The following ANKS1A variants were observed in gnomAD, a reference collection of about 807,000 sequenced individuals.
ANKS1A encodes the protein ankyrin repeat and SAM domain-containing protein 1A.
Under a neutral mutation model 120.3 loss-of-function variants are expected in ANKS1A, and 55 were observed. That is an observed-to-expected ratio of 0.46 (90% CI 0.37 to 0.57). ANKS1A has a LOEUF of 0.57. Ranked by LOEUF, ANKS1A falls within the 20% of genes least tolerant of loss-of-function variation. ANKS1A has a pLI of 0.00. For synonymous variants in ANKS1A, 590 were observed against 604.7 expected (o/e 0.98, Z 0.36); for missense variants, 1,123 against 1,480.3 (o/e 0.76, Z 3.96).
chr6:34,958,345 C>T (rs1322563915), intron 1 of ANKS1A, among the ~76,000 whole-genome samples: 1 of 152,104 alleles, frequency 6.6e-6, no homozygotes, highest in African/African-American at 2.4e-5. Flanking sequence ...TGAATCTATC[C>T]TTTTTTCTCT....
intron 1 of ANKS1A, among the ~76,000 whole-genome samples, chr6:34,922,553 C>T (rs1019001943): frequency 5.9e-5 from 9 of 152,108 alleles, no homozygotes; most frequent in Non-Finnish European, 1.2e-4. Context: ...GAAGACTTTC[C>T]TCCACACAAC....
chr6:34,975,648 C>G (rs921734059), intron 3 of ANKS1A, among the ~76,000 whole-genome samples: 8 of 151,806 alleles, frequency 5.3e-5, no homozygotes, highest in Non-Finnish European at 1.2e-4. Flanking sequence ...GCCTGTATCC[C>G]AAATTCTCAG....
At chr6:35,078,299 G>A (rs1464413228) in intron 13 of ANKS1A, among the ~76,000 whole-genome samples, 1 of 152,206 alleles carries the variant, frequency 6.6e-6, no homozygotes, top group East Asian at 1.9e-4. Context: ...GGCTGGGCCT[G>A]GGCAGGCGGC....
intron 11 of ANKS1A, among the ~76,000 whole-genome samples, chr6:35,021,457 C>A (rs766759621): frequency 7.2e-4 from 110 of 152,224 alleles, no homozygotes; most frequent in Non-Finnish European, 8.1e-4. Flanking sequence ...CCTCCATCTC[C>A]ACCTCGGTGC....
Position 35,000,200 on chromosome 6 carries a change from C to T in ANKS1A, c.1423+5778C>T, listed in dbSNP as rs193139468. Among the ~76,000 whole-genome samples the T allele has an allele frequency of 4.9e-4, 74 of 151,192 alleles. 1 individual carries two copies. In the East Asian group the frequency reaches 0.013, roughly 27 times the overall value. ...ATCAAAAATCCTTAACCCAGTAACC[C>T]GCAGATGGCCCAGATGCATTCAATC... is the stretch of plus-strand genomic sequence containing the variant. On this transcript the variant is annotated intron_variant, in intron 10 of 23. Coordinates refer to ENST00000360359, the MANE Select transcript of ANKS1A (RefSeq NM_015245.3).
intron 1 of ANKS1A, among the ~76,000 whole-genome samples, chr6:34,905,976 C>T (rs1767626627): frequency 6.6e-6 from 1 of 152,142 alleles, no homozygotes; most frequent in African/African-American, 2.4e-5. Flanking sequence ...ACGCAGGAAA[C>T]ATTGTCTCCA....
At chr6:35,041,470 T>G (rs1352326452) in intron 11 of ANKS1A, among the ~76,000 whole-genome samples, 1 of 152,196 alleles carries the variant, frequency 6.6e-6, no homozygotes, top group Non-Finnish European at 1.5e-5. Context: ...TCATGCCACT[T>G]TTCTTGATGT....
rs533852757 is a variant in ANKS1A at position 35,081,745 on chromosome 6, C to T, written c.2709+587C>T. On this transcript the variant is annotated intron_variant, in intron 17 of 23. Coordinates refer to ENST00000360359, the MANE Select transcript of ANKS1A (RefSeq NM_015245.3). ...GCTCCAGCCCTGGCGGAGGTGGGCCCGTCTCACACTCCTGGCTCACCTTCT... is the reference window on the plus strand; with the variant it reads ...GCTCCAGCCCTGGCGGAGGTGGGCCTGTCTCACACTCCTGGCTCACCTTCT... Among the ~76,000 whole-genome samples the T allele has an allele frequency of 4.6e-5, 7 of 152,358 alleles. No individual in the cohort carries two copies. In the East Asian group the frequency reaches 5.8e-4, roughly 13 times the overall value.
At chr6:34,992,705 G>A (rs1332827583) in intron 9 of ANKS1A, among the ~76,000 whole-genome samples, 1 of 152,204 alleles carries the variant, frequency 6.6e-6, no homozygotes, top group Non-Finnish European at 1.5e-5. Flanking sequence ...ATGAGTAAAT[G>A]GCTCATTGTA....
chr6:35,074,820 T>A (rs1281283315), intron 13 of ANKS1A, among the ~76,000 whole-genome samples: 3 of 152,216 alleles, frequency 2.0e-5, no homozygotes, highest in African/African-American at 7.2e-5. Flanking sequence ...CTCTGAAGCT[T>A]AAGTCTGGCA....
chr6:35,005,123 G>A (rs1379014601), intron 10 of ANKS1A, among the ~76,000 whole-genome samples: 1 of 152,174 alleles, frequency 6.6e-6, no homozygotes. Context: ...AAGTATGTCT[G>A]TAAAAAAGAT....
At chr6:34,988,193 T>C (rs991137174) in intron 8 of ANKS1A, among the ~76,000 whole-genome samples, 1 of 152,234 alleles carries the variant, frequency 6.6e-6, no homozygotes, top group East Asian at 1.9e-4. Flanking sequence ...GCCACACTCA[T>C]TTATTTACAT....
At chr6:35,007,105 C>T (rs999484865) in intron 10 of ANKS1A, among the ~76,000 whole-genome samples, 1 of 152,036 alleles carries the variant, frequency 6.6e-6, no homozygotes, top group African/African-American at 2.4e-5. Context: ...GCTGCCATCC[C>T]CTGGGAGCAT....
At chr6:34,904,287 A>G (rs756364669) in intron 1 of ANKS1A, among the ~76,000 whole-genome samples, 1 of 152,178 alleles carries the variant, frequency 6.6e-6, no homozygotes, top group Non-Finnish European at 1.5e-5. Flanking sequence ...TAGCCTGTAC[A>G]TGTTTAATAT....
intron 11 of ANKS1A, among the ~76,000 whole-genome samples, chr6:35,020,061 T>C (rs1774251809): frequency 6.6e-6 from 1 of 151,884 alleles, no homozygotes; most frequent in Non-Finnish European, 1.5e-5. Context: ...TTTTCTAGGG[T>C]GCTGACTGTG....
intron 11 of ANKS1A, among the ~76,000 whole-genome samples, chr6:35,030,362 GCTCT>G (rs1774847657): frequency 6.6e-6 from 1 of 152,066 alleles, no homozygotes; most frequent in Non-Finnish European, 1.5e-5. Flanking sequence ...TCCCTTTACT[GCTCT>G]CTAAGATGGG....
At chr6:34,919,503 A>G (rs1768330095) in intron 1 of ANKS1A, among the ~76,000 whole-genome samples, 1 of 152,196 alleles carries the variant, frequency 6.6e-6, no homozygotes, top group African/African-American at 2.4e-5. Context: ...TCTGTCTTGC[A>G]TCTAGACCTC....
intron 1 of ANKS1A, among the ~76,000 whole-genome samples, chr6:34,959,611 C>A (rs1468956524): frequency 6.6e-6 from 1 of 152,188 alleles, no homozygotes; most frequent in Non-Finnish European, 1.5e-5. Context: ...TAATAGCAGC[C>A]AGTGCAATCA....
In ANKS1A at chr6:35,050,499, T is replaced by G. The variant is rs1274364255; in HGVS notation, c.2011-3600T>G. On this transcript the variant is annotated intron_variant, in intron 11 of 23. Coordinates refer to ENST00000360359, the MANE Select transcript of ANKS1A (RefSeq NM_015245.3). This position sits in a 1 kb window ranked among gnomAD's most constrained non-coding sequence, Gnocchi z 4.3. ...AAATGCAGACCATTTCTGGGAAAGC[T>G]GCCTGTTCAGATTTTTTTTTAACTT... Among the ~76,000 whole-genome samples the G allele has an allele frequency of 1.3e-5, 2 of 152,096 alleles. No homozygotes were observed. Among genetic ancestry groups the G allele is most frequent in the African/African-American group, 4.8e-5 (2 of 41,448 alleles).
Sources: gnomAD v4.1 joint callset for allele counts (sites outside exome capture counted in the v4.1 genomes callset) on GRCh38, gnomAD v4.1.1 for gene constraint, Gnocchi (gnomAD v3.1) non-coding constraint, MANE v1.5 for transcripts, NCBI Gene and HGNC (gene_info 2026-07-23, HGNC 2026-07-21) for gene names.